Variants in DTD1 observed in about 807,000 individuals in gnomAD.
The protein encoded by DTD1 is D-tyrosyl-tRNA deacylase 1 homolog.
A neutral mutation model predicts 25.6 loss-of-function variants in DTD1; 13 were observed. The ratio of observed to expected loss-of-function variants is 0.51; its 90% CI spans 0.33 to 0.81. DTD1 has a LOEUF of 0.81. Ranked by LOEUF, DTD1 falls within the 30% of genes least tolerant of loss-of-function variation. DTD1 has a pLI of 0.02. For synonymous variants in DTD1, 110 were observed against 103.6 expected (o/e 1.06, Z -0.37); for missense variants, 193 against 266.4 (o/e 0.72, Z 1.92).
At chr20:18,697,099 G>A (rs2061080710) in intron 4 of DTD1, among the ~76,000 whole-genome samples, 2 of 151,948 alleles carry the variant, frequency 1.3e-5, no homozygotes, top group African/African-American at 4.8e-5. Context: ...AGGCGTGGTG[G>A]TGGGTGCCTG....
At chr20:18,724,610 AT>A (rs2061216873) in intron 4 of DTD1, among the ~76,000 whole-genome samples, 1 of 152,228 alleles carries the variant, frequency 6.6e-6, no homozygotes, top group East Asian at 1.9e-4. Context: ...ATGTGTGAAT[AT>A]CACCTTACAA....
chr20:18,670,947 C>T lies in DTD1; in HGVS notation c.477+42714C>T, dbSNP rs76361478. On this transcript the variant is annotated intron_variant, in intron 4 of 5. Coordinates refer to ENST00000377452, the MANE Select transcript of DTD1 (RefSeq NM_080820.6). ...TTAGTGTTTGTCCCATGGACCCACT[C>T]GGCAGATTCTTGGGTGTGCTGGCCA... Among the ~76,000 whole-genome samples the T allele has an allele frequency of 3.8e-3, 574 of 152,314 alleles. 2 individuals are homozygous for T. Among genetic ancestry groups the T allele is most frequent in the African/African-American group, 0.013 (536 of 41,574 alleles).
intron 3 of DTD1, among the ~76,000 whole-genome samples, chr20:18,608,081 C>CT (rs879927929): frequency 7.4e-4 from 108 of 145,478 alleles, no homozygotes; most frequent in Admixed American, 1.8e-3. Flanking sequence ...TTCTTAATTT[C>CT]TTTTTTTTTT....
chr20:18,663,760 A>C lies in DTD1; in HGVS notation c.477+35527A>C, dbSNP rs546000907. ...TGGCTACGGAGGCCTCATGAAACTT[A>C]TAATTGTAGAAAAGGCACCTCTTCA... is the stretch of plus-strand genomic sequence containing the variant. On this transcript the variant is annotated intron_variant, in intron 4 of 5. Transcript: ENST00000377452. Among the ~76,000 whole-genome samples the C allele has an allele frequency of 2.6e-5, 4 of 152,346 alleles. No homozygotes were observed. In the South Asian group the frequency reaches 8.3e-4, roughly 32 times the overall value.
chr20:18,751,789 C>T (rs551601050), intron 5 of DTD1, among the ~76,000 whole-genome samples: 19 of 151,784 alleles, frequency 1.3e-4, no homozygotes, highest in African/African-American at 3.1e-4. Context: ...CCACCATGGC[C>T]GGCCTTTGTT....
Position 18,665,432 on chromosome 20 carries a change from C to T in DTD1, c.477+37199C>T, listed in dbSNP as rs578199751. Among the ~76,000 whole-genome samples, 3 of 152,326 alleles carry T rather than the reference C, an allele frequency of 2.0e-5. No homozygotes were observed. In the South Asian group the frequency reaches 6.2e-4, roughly 32 times the overall value. The stretch of plus-strand genomic sequence containing the variant: ...CTTCAGGTATCCCCTTGAGGAGTGC[C>T]AGCCGTGGAGTCAGACCTGCCTTTC... On this transcript the variant is annotated intron_variant, in intron 4 of 5. Transcript: ENST00000377452.
intron 3 of DTD1, among the ~76,000 whole-genome samples, chr20:18,615,429 A>G (rs2060705611): frequency 6.6e-6 from 1 of 152,184 alleles, no homozygotes; most frequent in South Asian, 2.1e-4. Context: ...TAGGCACAGG[A>G]AACTGGGTCA....
intron 4 of DTD1, among the ~76,000 whole-genome samples, chr20:18,647,476 C>T (rs2060854598): frequency 6.6e-6 from 1 of 152,084 alleles, no homozygotes; most frequent in African/African-American, 2.4e-5. Flanking sequence ...TCCCTGAGCA[C>T]AGAACAGATG....
chr20:18,665,422 T>C (rs1318751893), intron 4 of DTD1, among the ~76,000 whole-genome samples: 1 of 152,222 alleles, frequency 6.6e-6, no homozygotes, highest in Non-Finnish European at 1.5e-5. Flanking sequence ...GGTATCCCCT[T>C]GAGGAGTGCC....
chr20:18,655,920 C>A (rs1453225158), intron 4 of DTD1, among the ~76,000 whole-genome samples: 1 of 152,108 alleles, frequency 6.6e-6, no homozygotes, highest in Non-Finnish European at 1.5e-5. Context: ...CAGGCATGCG[C>A]CACCACACCC....
At chr20:18,742,924 T>G (rs950360962) in intron 4 of DTD1, among the ~76,000 whole-genome samples, 1 of 152,218 alleles carries the variant, frequency 6.6e-6, no homozygotes, top group African/African-American at 2.4e-5. Flanking sequence ...CTTCTTTTTA[T>G]GTAAACTAGA....
intron 3 of DTD1, among the ~76,000 whole-genome samples, chr20:18,619,246 C>T (rs2060723381): frequency 6.6e-6 from 1 of 152,002 alleles, no homozygotes. Flanking sequence ...TGTCATTTGC[C>T]CCTTGACCTT....
intron 4 of DTD1, among the ~76,000 whole-genome samples, chr20:18,659,020 A>G (rs1201481792): frequency 3.3e-5 from 5 of 152,230 alleles, no homozygotes; most frequent in Non-Finnish European, 5.9e-5. Context: ...TTAGGAATTG[A>G]AAATGAACTT....
At chr20:18,645,043 C>T (rs547888478) in intron 4 of DTD1, among the ~76,000 whole-genome samples, 5 of 152,208 alleles carry the variant, frequency 3.3e-5, no homozygotes, top group Middle Eastern at 3.4e-3. Flanking sequence ...CCCAGCCAGT[C>T]GGAAGGCTGA....
chr20:18,701,616 G>A (rs952169768), intron 4 of DTD1, among the ~76,000 whole-genome samples: 4 of 152,208 alleles, frequency 2.6e-5, no homozygotes, highest in African/African-American at 9.7e-5. Context: ...CACCCAGGGA[G>A]TCTGTCTGGC....
At chr20:18,659,551 T>G (rs2060901772) in intron 4 of DTD1, among the ~76,000 whole-genome samples, 1 of 152,230 alleles carries the variant, frequency 6.6e-6, no homozygotes, top group Admixed American at 6.5e-5. Context: ...TAGAGTTTAT[T>G]ATGGTTAATC....
intron 1 of DTD1, chr20:18,588,656 G>A: frequency 1.1e-6 from 1 of 870,278 alleles, no homozygotes; most frequent in South Asian, 5.3e-5. Context: ...CGTGACTGGA[G>A]CCTAGGCTGG....
At chr20:18,708,797 T>G (rs897633562) in intron 4 of DTD1, among the ~76,000 whole-genome samples, 1 of 152,210 alleles carries the variant, frequency 6.6e-6, no homozygotes, top group Non-Finnish European at 1.5e-5. Context: ...TTTCTAGCGC[T>G]GTTGTCAACA....
chr20:18,622,358 G>A (rs145099970), intron 3 of DTD1, among the ~76,000 whole-genome samples: 143 of 152,226 alleles, frequency 9.4e-4, no homozygotes, highest in African/African-American at 3.2e-3. Context: ...AGGGGGTGAG[G>A]AAGATAATTC....
Sources: allele counts gnomAD v4.1 joint callset (sites outside exome capture counted in the v4.1 genomes callset), GRCh38; gene constraint gnomAD v4.1.1; transcripts MANE v1.5; gene names NCBI Gene and HGNC (gene_info 2026-07-23, HGNC 2026-07-21).